CDC27: variants seen among roughly 807,000 people sequenced by gnomAD.
The protein encoded by CDC27 is cell division cycle protein 27 homolog.
Under a neutral mutation model 109.7 loss-of-function variants are expected in CDC27, and 27 were observed. The observed-to-expected ratio is 0.25, with a 90% confidence interval of 0.18 to 0.34. The LOEUF (loss-of-function observed/expected upper bound fraction) is 0.34. Ranked by LOEUF, CDC27 falls within the 10% of genes least tolerant of loss-of-function variation. The pLI is 1.00. For missense variants in CDC27, 579 were observed against 960.2 expected (o/e 0.60, Z 5.25); for synonymous variants, 266 against 333.9 (o/e 0.80, Z 2.22).
At chr17:47,133,062 T>TATAC (rs373677958) in intron 14 of CDC27, among the ~76,000 whole-genome samples, 16,343 of 72,048 alleles carry the variant, frequency 0.23, 2,703 homozygotes, top group Non-Finnish European at 0.27. Flanking sequence ...CACATACATA[T>TATAC]ACACACACAC....
In CDC27 at chr17:47,142,063, C is replaced by T. The variant is rs759696309; in HGVS notation, c.1379-38G>A. 8 of 1,442,210 alleles carry T rather than the reference C, an allele frequency of 5.5e-6. No homozygotes were observed. The East Asian group carries it at 1.6e-4, about 30-fold the overall frequency. 89.3% of individuals were successfully genotyped at this position (1,442,210 alleles called of 1,614,324 possible). A position where few individuals can be genotyped will look rare whatever the true frequency, so the allele number is the denominator to read the frequency against. On this transcript the variant is annotated intron_variant, in intron 11 of 18. Transcript: ENST00000066544. ...AACATAGTAAACAAAGGAAAAAACG[C>T]AATAAACTAGTCTGCTTCTCTAGAA... is the stretch of plus-strand genomic sequence containing the variant.
intron 1 of CDC27, among the ~76,000 whole-genome samples, chr17:47,183,688 T>C (rs947037392): frequency 1.3e-5 from 2 of 152,212 alleles, no homozygotes; most frequent in African/African-American, 4.8e-5. Context: ...GGAGAGTATT[T>C]GAGTGATGTT....
intron 9 of CDC27, among the ~76,000 whole-genome samples, chr17:47,150,290 C>T (rs1440567925): frequency 6.6e-6 from 1 of 152,192 alleles, no homozygotes; most frequent in African/African-American, 2.4e-5. Context: ...TGTTGAAGCC[C>T]TAAGCCCCAG....
chr17:47,159,962 C>A (rs1598519556), intron 4 of CDC27: 2 of 304,534 alleles, frequency 6.6e-6, no homozygotes, highest in Non-Finnish European at 1.2e-5. Context: ...TCCACGGCTG[C>A]GACCCCAGCC....
Position 47,119,908 on chromosome 17 carries a change from A to T in CDC27, c.*1027T>A, listed in dbSNP as rs1202701226. The T allele has an allele frequency of 6.6e-6, 1 of 152,236 alleles. No individual in the cohort carries two copies. Among genetic ancestry groups the T allele is most frequent in the African/African-American group, 2.4e-5 (1 of 41,468 alleles). The allele number at this position is 152,236 out of a possible 1,614,324, so 9.4% of individuals were successfully genotyped here. A position where few individuals can be genotyped will look rare whatever the true frequency, so the allele number is the denominator to read the frequency against. On this transcript the variant is annotated 3_prime_UTR_variant, in exon 19 of 19. Transcript: ENST00000066544. The stretch of plus-strand genomic sequence containing the variant: ...CAGAGAGTCAAAAAGAATGGAAAGG[A>T]TCTCAACCAAAGGTAACCACACATT...
chr17:47,159,465 C>T (rs1389095728), intron 4 of CDC27: 7 of 619,790 alleles, frequency 1.1e-5, no homozygotes, highest in South Asian at 2.2e-5. Flanking sequence ...CAAGACGATG[C>T]CCGTGCTCCT....
rs564660961 is a variant in CDC27 at position 47,154,403 on chromosome 17, G to A, written c.957+269C>T. On this transcript the variant is annotated intron_variant, in intron 8 of 18. Transcript: ENST00000066544. ...AATTAAAAAGTAAAAATATGATTAT[G>A]TTTATTTAACTATATGCTGAAATAA... 1.2e-4 allele frequency among the ~76,000 whole-genome samples: 18 copies of A among 152,166 alleles called. No homozygotes were observed. In the South Asian group the frequency reaches 3.7e-3, roughly 32 times the overall value.
intron 16 of CDC27, 21 bp downstream of exon 16, chr17:47,129,372 C>A (rs774750632): frequency 3.2e-6 from 5 of 1,581,280 alleles, no homozygotes; most frequent in Middle Eastern, 3.5e-4. Flanking sequence ...ACACTGAAGA[C>A]CCTTAAGATA....
At chr17:47,153,613 A>G (rs1015204031) in intron 8 of CDC27, among the ~76,000 whole-genome samples, 2 of 152,220 alleles carry the variant, frequency 1.3e-5, no homozygotes, top group Non-Finnish European at 2.9e-5. Context: ...TGTTATTCAC[A>G]TATTAGTATG....
At chr17:47,148,717 G>A (rs2063055288) in intron 9 of CDC27, among the ~76,000 whole-genome samples, 1 of 152,110 alleles carries the variant, frequency 6.6e-6, no homozygotes, top group Non-Finnish European at 1.5e-5. Context: ...GAGATTGACA[G>A]CAGATTTCTT....
At chr17:47,121,099 G>T (rs1434817451) in intron 18 of CDC27, 82 bp from the exon 19 acceptor site, 4 of 879,466 alleles carry the variant, frequency 4.5e-6, no homozygotes, top group Non-Finnish European at 5.5e-6. Context: ...AAGAAAAATT[G>T]TATTATATTC....
At chr17:47,144,871 TCACACACACA>T (rs35160918) in intron 9 of CDC27, among the ~76,000 whole-genome samples, 44 of 149,990 alleles carry the variant, frequency 2.9e-4, no homozygotes, top group African/African-American at 1.0e-3. Flanking sequence ...TGTGTGTATA[TCACACACACA>T]CACACACACA....
chr17:47,169,050 G>A (rs2063733717), intron 4 of CDC27, among the ~76,000 whole-genome samples: 1 of 148,738 alleles, frequency 6.7e-6, no homozygotes, highest in African/African-American at 2.5e-5. Context: ...GGAGTGCAGT[G>A]GCACAATCAC....
At position 47,134,954 on chromosome 17, in the gene CDC27, G is replaced by A. The variant is rs571849542; in HGVS notation, c.1913+2198C>T. On this transcript the variant is annotated intron_variant, in intron 14 of 18. Coordinates refer to ENST00000066544, the MANE Select transcript of CDC27 (RefSeq NM_001256.6). ...CTAGATTTAACAGCTAATTTTTACT[G>A]AGTAGTTATTACATGTGTGCCAAGA... Among the ~76,000 whole-genome samples, 6 of 151,890 alleles carry A rather than the reference G, an allele frequency of 4.0e-5. No homozygotes were observed. The East Asian group carries it at 9.7e-4, about 24-fold the overall frequency.
chr17:47,134,759 C>T (rs1481617116), intron 14 of CDC27, among the ~76,000 whole-genome samples: 1 of 151,626 alleles, frequency 6.6e-6, no homozygotes, highest in East Asian at 1.9e-4. Flanking sequence ...CAGGCGTGAG[C>T]CACCGTGCCC....
intron 13 of CDC27, among the ~76,000 whole-genome samples, chr17:47,138,326 A>G (rs2062686020): frequency 1.3e-5 from 2 of 152,204 alleles, no homozygotes; most frequent in African/African-American, 4.8e-5. Context: ...GTATCATTAA[A>G]TATTTTTGAG....
At chr17:47,182,470 AACC>A (rs1210602951) in intron 1 of CDC27, among the ~76,000 whole-genome samples, 1 of 152,206 alleles carries the variant, frequency 6.6e-6, no homozygotes, top group African/African-American at 2.4e-5. Flanking sequence ...CCAAAGAGGA[AACC>A]ACCACACTGA....
At chr17:47,187,307 T>C (rs1193953168) in intron 1 of CDC27, among the ~76,000 whole-genome samples, 2 of 152,156 alleles carry the variant, frequency 1.3e-5, no homozygotes, top group Non-Finnish European at 2.9e-5. Context: ...TTTTTATTTA[T>C]TTATTTATTT....
intron 16 of CDC27, among the ~76,000 whole-genome samples, chr17:47,127,241 C>G (rs1173075378): frequency 1.3e-5 from 2 of 152,018 alleles, no homozygotes; most frequent in African/African-American, 4.8e-5. Flanking sequence ...CCAGCTTGGG[C>G]AACAGAGCAA....
Sources: allele counts gnomAD v4.1 joint callset (sites outside exome capture counted in the v4.1 genomes callset), GRCh38; gene constraint gnomAD v4.1.1; transcripts MANE v1.5; gene names NCBI Gene and HGNC (gene_info 2026-07-23, HGNC 2026-07-21).